The following NAP1L2 variants were observed in gnomAD, a reference collection of about 807,000 sequenced individuals.
The protein encoded by NAP1L2 is nucleosome assembly protein 1 like 2.
For missense variants in NAP1L2, 376 were observed against 338.5 expected, an observed-to-expected ratio of 1.11 and a Z score of -0.87; for synonymous variants, 165 against 126.0, an observed-to-expected ratio of 1.31 and a Z score of -2.07.
Position 73,214,131 on chromosome X carries a change from C to T in NAP1L2, c.362G>A (p.Arg121Lys), listed in dbSNP as rs745414604. The T allele has an allele frequency of 8.3e-7, 1 of 1,211,480 alleles. No individual in the cohort carries two copies. Among genetic ancestry groups the T allele is most frequent in the Non-Finnish European group, 1.1e-6 (1 of 895,535 alleles). The change falls in exon 1 of 1, where the codon AGA becomes AAA. Residue 121 changes from arginine to lysine, a missense_variant. Transcript: ENST00000373517. ...GAATTTGGATTCTAAATTGGCCGCTCTAGTTTGAAGCTTTTTAAGGGCTAA... is the reference window on the plus strand; with the variant it reads ...GAATTTGGATTCTAAATTGGCCGCTTTAGTTTGAAGCTTTTTAAGGGCTAA... ...RVLALKKLQT[R>K]AANLESKFLR...
chrX:73,213,171 A>G lies in NAP1L2; in HGVS notation c.1322T>C (p.Ile441Thr). 1 of 1,210,666 alleles carries G rather than the reference A, an allele frequency of 8.3e-7. No homozygotes were observed. Among genetic ancestry groups the G allele is most frequent in the Non-Finnish European group, 1.1e-6 (1 of 895,095 alleles). The change falls in exon 1 of 1, where the codon ATT becomes ACT. Residue 441 changes from isoleucine to threonine, a missense_variant. Physicochemically the swap from Ile to Thr is moderately conservative, Grantham distance 89. Coordinates refer to ENST00000373517, the MANE Select transcript of NAP1L2 (RefSeq NM_021963.4). ...KIIYDNWMAA[I>T]EEVKACCKNL... is the part of the protein sequence containing the mutation. Reference sequence around the variant, plus strand: ...TTTGCAACAAGCTTTAACTTCCTCAATTGCAGCCATCCAATTATCATAAAT... The same window carrying G: ...TTTGCAACAAGCTTTAACTTCCTCAGTTGCAGCCATCCAATTATCATAAAT...
Position 73,214,486 on chromosome X carries a change from C to T in NAP1L2, c.7G>A (p.Glu3Lys), listed in dbSNP as rs17852391. 6 of 1,207,718 alleles carry T rather than the reference C, an allele frequency of 5.0e-6. No homozygotes were observed. In the South Asian group the frequency reaches 7.1e-5, roughly 14 times the overall value. The change falls in exon 1 of 1, where the codon GAG (glutamate) becomes AAG (lysine). Residue 3 changes from glutamate (E) to lysine (K), a missense_variant. By Grantham distance (56) the Glu-to-Lys change is moderately conservative. Transcript: ENST00000373517. Reference protein sequence around the residue: MAESENRKELSES... With the variant: MAKSENRKELSES... ...GACAGCTCCTTGCGGTTCTCTGACT[C>T]GGCCATTTTTCAAAGGACCGTACAC...
chrX:73,213,921 C>T lies in NAP1L2; in HGVS notation c.572G>A (p.Gly191Asp). ...CTCATCCACATATTCATGTACCATA[C>T]CCTCCTCATTACCATACATCTCTTC... ...CHEEMYGNEE[G>D]MVHEYVDEDD... Residue 191 changes from glycine (G) to aspartate (D), a missense_variant, in exon 1 of 1, where the codon GGT (glycine) becomes GAT (aspartate). Coordinates refer to ENST00000373517, the MANE Select transcript of NAP1L2 (RefSeq NM_021963.4). 6.6e-6 allele frequency: 8 copies of T among 1,210,983 alleles called. No individual in the cohort carries two copies. The highest frequency in any genetic ancestry group is 6.7e-6 in the Non-Finnish European group (6 of 895,282).
Position 73,213,521 on chromosome X carries a change from C to T in NAP1L2, c.972G>A (p.Ala324=). ...YYDPHPYRGT[A]IEYSTGCEID... ...TCTCACAGCCTGTGGAATACTCAAT[C>T]GCAGTTCCCCTATAGGGATGGGGAT... Residue 324 remains alanine, a synonymous_variant, in exon 1 of 1, where the codon GCG becomes GCA. Coordinates refer to ENST00000373517, the MANE Select transcript of NAP1L2 (RefSeq NM_021963.4). 2 of 1,211,223 alleles carry T rather than the reference C, an allele frequency of 1.7e-6. No homozygotes were observed. Among genetic ancestry groups the T allele is most frequent in the Non-Finnish European group, 2.2e-6 (2 of 895,124 alleles).
At position 73,214,284 on chromosome X, in the gene NAP1L2, C is replaced by T. The variant is rs1347469893; in HGVS notation, c.209G>A (p.Gly70Glu). The change falls in exon 1 of 1, where the codon GGG becomes GAG. Residue 70 changes from glycine (G) to glutamate (E), a missense_variant. Transcript: ENST00000373517. ...ENGEDTAAGS[G>E]EDGKKGGDTD... ...ATCGCCACCTTTTTTCCCATCTTCC[C>T]CGGACCCAGCAGCAGTATCTTCACC... 1 of 1,211,200 alleles carries T rather than the reference C, an allele frequency of 8.3e-7. No homozygotes were observed. The highest frequency in any genetic ancestry group is 3.0e-5 in the East Asian group (1 of 33,805).
At position 73,212,852 on chromosome X, in the gene NAP1L2, A is replaced by T. The variant is rs1033821777; in HGVS notation, c.*258T>A. 49 of 279,194 alleles carry T rather than the reference A, an allele frequency of 1.8e-4. No homozygotes were observed. Among genetic ancestry groups the T allele is most frequent in the African/African-American group, 8.8e-4 (32 of 36,308 alleles). The allele number at this position is 279,194 out of a possible 1,213,427, so 23.0% of individuals were successfully genotyped here. A position where few individuals can be genotyped will look rare whatever the true frequency, so the allele number is the denominator to read the frequency against. On this transcript the variant is annotated 3_prime_UTR_variant, in exon 1 of 1. Coordinates refer to ENST00000373517, the MANE Select transcript of NAP1L2 (RefSeq NM_021963.4). The stretch of plus-strand genomic sequence containing the variant: ...ATTTCATAGCCACAGATTAATAGCT[A>T]CATGACAAAAAGACTTCAGAAGGAT...
chrX:73,214,741 G>A lies in NAP1L2; in HGVS notation c.-249C>T. 1 of 351,835 alleles carries A rather than the reference G, an allele frequency of 2.8e-6. No individual in the cohort carries two copies. The highest frequency in any genetic ancestry group is 7.5e-5 in the South Asian group (1 of 13,249). 29.0% of individuals were successfully genotyped at this position (351,835 alleles called of 1,213,427 possible). ...GGCGACGGCTGCGTTGACCGATCCT[G>A]CAGGAGAGAGCCGGAGACTGCAGAG... On this transcript the variant is annotated 5_prime_UTR_variant, in exon 1 of 1. Transcript: ENST00000373517.
In NAP1L2 at chrX:73,212,826, C is replaced by G; in HGVS notation, c.*284G>C. ...ATTGATCTCACTTAGCATTTCTGAT[C>G]ATTTCATAGCCACAGATTAATAGCT... On this transcript the variant is annotated 3_prime_UTR_variant, in exon 1 of 1. Transcript: ENST00000373517. 4.2e-6 allele frequency: 1 copy of G among 239,963 alleles called. No homozygotes were observed. The highest frequency in any genetic ancestry group is 7.4e-6 in the Non-Finnish European group (1 of 134,232). 19.8% of individuals were successfully genotyped at this position (239,963 alleles called of 1,213,427 possible).
chrX:73,214,749 G>A lies in NAP1L2; in HGVS notation c.-257C>T, dbSNP rs1221784564. On this transcript the variant is annotated 5_prime_UTR_variant, in exon 1 of 1. Transcript: ENST00000373517. ...CTGCGTTGACCGATCCTGCAGGAGA[G>A]AGCCGGAGACTGCAGAGAGCTGCAG... 1 of 339,123 alleles carries A rather than the reference G, an allele frequency of 2.9e-6. No individual in the cohort carries two copies. Among genetic ancestry groups the A allele is most frequent in the Non-Finnish European group, 5.3e-6 (1 of 188,577 alleles). 27.9% of individuals were successfully genotyped at this position (339,123 alleles called of 1,213,427 possible). A position where few individuals can be genotyped will look rare whatever the true frequency, so the allele number is the denominator to read the frequency against.
Position 73,214,412 on chromosome X carries a change from G to A in NAP1L2, c.81C>T (p.Leu27=), listed in dbSNP as rs1294537653. Residue 27 remains leucine, a synonymous_variant, in exon 1 of 1, where the codon CTC becomes CTT. Transcript: ENST00000373517. ...CTTCACCGCGCTCCAGATGTTCCCC[G>A]AGCCCTTCCACCATTATCTGATTAC... ...EAGNQIMVEG[L]GEHLERGEDA... is the part of the protein sequence containing the mutation. The A allele has an allele frequency of 5.8e-6, 7 of 1,210,989 alleles. No homozygotes were observed. The highest frequency in any genetic ancestry group is 1.8e-5 in the South Asian group (1 of 56,880).
Position 73,214,558 on chromosome X carries a change from A to C in NAP1L2, c.-66T>G, listed in dbSNP as rs1437402041. ...GATCGGGAGACCAAACCTCCACAGG[A>C]AAAGACTCACCGAAATATCAGAAGC... On this transcript the variant is annotated 5_prime_UTR_variant, in exon 1 of 1. Transcript: ENST00000373517. The C allele has an allele frequency of 2.7e-6, 3 of 1,099,305 alleles. No individual in the cohort carries two copies. Among genetic ancestry groups the C allele is most frequent in the Non-Finnish European group, 3.7e-6 (3 of 820,240 alleles). 90.6% of individuals were successfully genotyped at this position (1,099,305 alleles called of 1,213,427 possible).
Position 73,213,006 on chromosome X carries a change from T to C in NAP1L2, c.*104A>G. On this transcript the variant is annotated 3_prime_UTR_variant, in exon 1 of 1. Coordinates refer to ENST00000373517, the MANE Select transcript of NAP1L2 (RefSeq NM_021963.4). ...GAACTTTTCTTATATTTTTGAAACATATGTTTTAACTAACACTACAAGAAA... is the reference window on the plus strand; with the variant it reads ...GAACTTTTCTTATATTTTTGAAACACATGTTTTAACTAACACTACAAGAAA... 1.3e-6 allele frequency: 1 copy of C among 779,573 alleles called. No individual in the cohort carries two copies. Among genetic ancestry groups the C allele is most frequent in the Non-Finnish European group, 1.8e-6 (1 of 561,326 alleles). 64.2% of individuals were successfully genotyped at this position (779,573 alleles called of 1,213,427 possible).
At position 73,213,767 on chromosome X, in the gene NAP1L2, A is replaced by G. The variant is rs1204953707; in HGVS notation, c.726T>C (p.Asp242=). ...CGTTTTTTAAAACAGTTAGCCAAAA[A>G]TCAGGAATTCCCTTAGGATCCTCCT... The part of the protein sequence containing the change: ...KEEEDPKGIP[D]FWLTVLKNVD... The change falls in exon 1 of 1, where the codon GAT becomes GAC. Residue 242 remains aspartate (D), a synonymous_variant. Transcript: ENST00000373517. The G allele has an allele frequency of 1.7e-6, 2 of 1,209,317 alleles. No homozygotes were observed. Among genetic ancestry groups the G allele is most frequent in the Non-Finnish European group, 2.2e-6 (2 of 895,108 alleles).
rs2056137712 is a variant in NAP1L2, at chrX:73,213,042, A to G, written c.*68T>C. 1.0e-6 allele frequency: 1 copy of G among 970,598 alleles called. No individual in the cohort carries two copies. Among genetic ancestry groups the G allele is most frequent in the African/African-American group, 2.0e-5 (1 of 51,122 alleles). 80.0% of individuals were successfully genotyped at this position (970,598 alleles called of 1,213,427 possible). ...TAACACTACAAGAAAAATACAGAAC[A>G]CAAGGCTTCTTATACCTTGAGTAAC... On this transcript the variant is annotated 3_prime_UTR_variant, in exon 1 of 1. Coordinates refer to ENST00000373517, the MANE Select transcript of NAP1L2 (RefSeq NM_021963.4).
In NAP1L2 at chrX:73,212,356, C is replaced by A. The variant is rs145722184; in HGVS notation, c.*754G>T. On this transcript the variant is annotated 3_prime_UTR_variant, in exon 1 of 1. Coordinates refer to ENST00000373517, the MANE Select transcript of NAP1L2 (RefSeq NM_021963.4). ...CTTTTTATTTTGCAGTGAAAGAACA[C>A]GAAATATCTTTTCAAAATGGTAAAG... 2 of 111,156 alleles carry A rather than the reference C, an allele frequency of 1.8e-5. No individual in the cohort carries two copies. The highest frequency in any genetic ancestry group is 4.7e-3 in the Middle Eastern group (1 of 214). 9.2% of individuals were successfully genotyped at this position (111,156 alleles called of 1,213,427 possible).
At position 73,213,680 on chromosome X, in the gene NAP1L2, A is replaced by G; in HGVS notation, c.813T>C (p.Asp271=). The change falls in exon 1 of 1, where the codon GAT becomes GAC. Residue 271 remains aspartate (D), a synonymous_variant. Coordinates refer to ENST00000373517, the MANE Select transcript of NAP1L2 (RefSeq NM_021963.4). ...CAGGATCTGAAAGCTTAACTTTAAT[A>G]TCTGTCAGGAGCTTCAGAATAGGCT... ...YDEPILKLLT[D]IKVKLSDPGE... is the part of the protein sequence containing the mutation. The G allele has an allele frequency of 8.3e-7, 1 of 1,211,525 alleles. No homozygotes were observed. Among genetic ancestry groups the G allele is most frequent in the South Asian group, 1.8e-5 (1 of 56,935 alleles).
In NAP1L2 at chrX:73,213,161, A is replaced by T; in HGVS notation, c.1332T>A (p.Val444=). Residue 444 remains valine (V), a synonymous_variant, in exon 1 of 1, where the codon GTT becomes GTA. Transcript: ENST00000373517. ...YDNWMAAIEE[V]KACCKNLEAL... ...CCTCAAGGTTTTTGCAACAAGCTTTAACTTCCTCAATTGCAGCCATCCAAT... is the reference window on the plus strand; with the variant it reads ...CCTCAAGGTTTTTGCAACAAGCTTTTACTTCCTCAATTGCAGCCATCCAAT... 1 of 1,210,779 alleles carries T rather than the reference A, an allele frequency of 8.3e-7. No homozygotes were observed. The highest frequency in any genetic ancestry group is 1.1e-6 in the Non-Finnish European group (1 of 895,043).
rs1167929846 is a variant in NAP1L2 at position 73,214,285 on chromosome X, C to T, written c.208G>A (p.Gly70Arg). The T allele has an allele frequency of 1.9e-5, 23 of 1,208,778 alleles. No homozygotes were observed. The highest frequency in any genetic ancestry group is 2.5e-5 in the Non-Finnish European group (22 of 895,051). Residue 70 changes from glycine to arginine, a missense_variant, in exon 1 of 1, where the codon GGG becomes AGG. Physicochemically the swap from Gly to Arg is moderately radical, Grantham distance 125. Coordinates refer to ENST00000373517, the MANE Select transcript of NAP1L2 (RefSeq NM_021963.4). Reference protein sequence around the residue: ...ENGEDTAAGSGEDGKKGGDTD... With the variant: ...ENGEDTAAGSREDGKKGGDTD... ...TCGCCACCTTTTTTCCCATCTTCCC[C>T]GGACCCAGCAGCAGTATCTTCACCG... is the stretch of plus-strand genomic sequence containing the variant.
Position 73,213,730 on chromosome X carries a change from T to C in NAP1L2, c.763A>G (p.Thr255Ala). The C allele has an allele frequency of 8.3e-7, 1 of 1,210,899 alleles. No individual in the cohort carries two copies. Among genetic ancestry groups the C allele is most frequent in the Non-Finnish European group, 1.1e-6 (1 of 895,316 alleles). The part of the protein sequence containing the change: ...LTVLKNVDTL[T>A]PLIKKYDEPI... ...TCATCATATTTCTTAATCAAAGGAG[T>C]GAGTGTATCAACGTTTTTTAAAACA... The change falls in exon 1 of 1, where the codon ACT becomes GCT. Residue 255 changes from threonine (T) to alanine (A), a missense_variant. Transcript: ENST00000373517.
Sources: allele counts gnomAD v4.1 joint callset, GRCh38; gene constraint gnomAD v4.1.1; transcripts MANE v1.5; gene names NCBI Gene and HGNC (gene_info 2026-07-23, HGNC 2026-07-21).